The following SAMMSON variants were observed in gnomAD, a reference collection of about 807,000 sequenced individuals.
SAMMSON encodes survival associated mitochondrial melanoma specific oncogenic non-coding RNA.
At chr3:70,351,062 G>A (rs1396451704) in intron 7 of SAMMSON, among the ~76,000 whole-genome samples, 2 of 152,098 alleles carry the variant, frequency 1.3e-5, no homozygotes, top group Non-Finnish European at 2.9e-5. Context: ...GATATTATGA[G>A]TAGTTTGTGA....
intron 4 of SAMMSON, among the ~76,000 whole-genome samples, chr3:70,136,358 C>G (rs1378948018): frequency 6.6e-6 from 1 of 152,228 alleles, no homozygotes; most frequent in Non-Finnish European, 1.5e-5. Flanking sequence ...GGGAAGCCAG[C>G]TGCTATGACA....
chr3:70,098,132 A>G (rs1458593047), intron 4 of SAMMSON, among the ~76,000 whole-genome samples: 2 of 152,142 alleles, frequency 1.3e-5, no homozygotes, highest in Non-Finnish European at 2.9e-5. Context: ...TTTGGGGGAT[A>G]GAGAAATTAT....
At chr3:70,383,594 C>G (rs1342750239) in intron 9 of SAMMSON, among the ~76,000 whole-genome samples, 1 of 151,954 alleles carries the variant, frequency 6.6e-6, no homozygotes, top group Non-Finnish European at 1.5e-5. Context: ...GAAATTCCTC[C>G]TGGAGTTTCA....
At chr3:70,408,302 A>G (rs1009147951) in intron 2 of SAMMSON, among the ~76,000 whole-genome samples, 7 of 152,220 alleles carry the variant, frequency 4.6e-5, no homozygotes, top group African/African-American at 1.7e-4. Context: ...AATATCTGCA[A>G]CCAGCTTGAA....
intron 4 of SAMMSON, among the ~76,000 whole-genome samples, chr3:70,147,501 C>T (rs950587738): frequency 1.3e-5 from 2 of 151,962 alleles, no homozygotes; most frequent in Non-Finnish European, 2.9e-5. Context: ...CAGAAATAGA[C>T]CCACATGAGT....
chr3:70,103,110 G>T (rs2067352405), intron 4 of SAMMSON, among the ~76,000 whole-genome samples: 1 of 152,158 alleles, frequency 6.6e-6, no homozygotes, highest in African/African-American at 2.4e-5. Context: ...CCACCTAAAG[G>T]AGTGGCTTCC....
intron 4 of SAMMSON, among the ~76,000 whole-genome samples, chr3:70,188,825 CATTTGACTGGT>C (rs1467588267): frequency 1.3e-5 from 2 of 152,206 alleles, no homozygotes; most frequent in African/African-American, 2.4e-5. Context: ...TAACTCAATG[CATTTGACTGGT>C]AAATGGTGGT....
chr3:70,421,643 G>C (rs1701314104), intron 2 of SAMMSON, among the ~76,000 whole-genome samples: 1 of 152,140 alleles, frequency 6.6e-6, no homozygotes, highest in Non-Finnish European at 1.5e-5. Context: ...TTAGTGCTCA[G>C]AGACAGTATG....
intron 4 of SAMMSON, among the ~76,000 whole-genome samples, chr3:70,198,856 C>A (rs533116326): frequency 1.3e-5 from 2 of 152,250 alleles, no homozygotes; most frequent in Admixed American, 1.3e-4. Flanking sequence ...TCTCATAAGT[C>A]ACCACAAACC....
At chr3:70,139,830 G>A (rs750215511) in intron 4 of SAMMSON, among the ~76,000 whole-genome samples, 86 of 152,106 alleles carry the variant, frequency 5.7e-4, no homozygotes, top group Middle Eastern at 3.4e-3. Context: ...ATCTTATTTG[G>A]ACTTCTATTT....
At chr3:70,390,075 A>C (rs9815087), downstream of SAMMSON, among the ~76,000 whole-genome samples, 3,084 of 152,242 alleles carry the variant, frequency 0.02, 95 homozygotes, top group East Asian at 0.12. Flanking sequence ...ACCTTAACCT[A>C]TAATTTAAAG....
rs1559566777 is a variant in SAMMSON, at chr3:70,337,111, ATTCTTAT to A, written n.740-17062_740-17056del. 9.2e-3 allele frequency among the ~76,000 whole-genome samples: 343 copies of A among 37,382 alleles called. 2 individuals are homozygous for A. The highest frequency in any genetic ancestry group is 0.014 in the Non-Finnish European group (208 of 15,354). 24.5% of individuals were successfully genotyped at this position (37,382 alleles called of 152,430 possible). ...TATTAATAATAATATCTAACTTAAT[ATTCTTAT>A]TAATAATAATATCTAACTTAATATT... is the stretch of plus-strand genomic sequence containing the variant. On this transcript the variant is annotated intron_variant and non_coding_transcript_variant, in intron 7 of 9. Transcript: ENST00000642114.
chr3:70,027,060 G>A (rs1321014154), intron 3 of SAMMSON, among the ~76,000 whole-genome samples: 2 of 152,092 alleles, frequency 1.3e-5, no homozygotes, highest in African/African-American at 2.4e-5. Flanking sequence ...AGAAGTCTGC[G>A]ACCCTGCAGA....
intron 3 of SAMMSON, among the ~76,000 whole-genome samples, chr3:70,044,636 G>A (rs1410638117): frequency 6.6e-6 from 1 of 151,878 alleles, no homozygotes; most frequent in Non-Finnish European, 1.5e-5. Flanking sequence ...CAATGTGCAA[G>A]ACAGACTAAG....
intron 2 of SAMMSON, among the ~76,000 whole-genome samples, chr3:70,414,343 T>G (rs1408018076): frequency 2.0e-5 from 3 of 152,180 alleles, no homozygotes; most frequent in Non-Finnish European, 4.4e-5. Context: ...TCAAAATGAT[T>G]AGTTTATTAA....
chr3:70,172,034 T>C (rs1209883459), intron 4 of SAMMSON, among the ~76,000 whole-genome samples: 1 of 151,960 alleles, frequency 6.6e-6, no homozygotes, highest in Non-Finnish European at 1.5e-5. Context: ...AGAGTTGCTA[T>C]CTGGGGAGAA....
intron 9 of SAMMSON, among the ~76,000 whole-genome samples, chr3:70,389,188 G>T (rs1701020619): frequency 6.6e-6 from 1 of 152,054 alleles, no homozygotes; most frequent in African/African-American, 2.4e-5. Context: ...AGAATTGTTA[G>T]CAAAATGAAC....
chr3:70,005,731 C>T (rs2066924164), intron 1 of SAMMSON, among the ~76,000 whole-genome samples: 1 of 152,184 alleles, frequency 6.6e-6, no homozygotes, highest in Non-Finnish European at 1.5e-5. Flanking sequence ...TCACCACTCT[C>T]CCTTAGCACG....
intron 9 of SAMMSON, among the ~76,000 whole-genome samples, chr3:70,388,082 T>C (rs1700999264): frequency 6.6e-6 from 1 of 152,106 alleles, no homozygotes; most frequent in Admixed American, 6.6e-5. Flanking sequence ...ACAGGAAATA[T>C]CGTTCTTAGT....
Sources: allele counts gnomAD v4.1 joint callset (sites outside exome capture counted in the v4.1 genomes callset), GRCh38; gene constraint gnomAD v4.1.1; transcripts MANE v1.5; gene names NCBI Gene and HGNC (gene_info 2026-07-23, HGNC 2026-07-21).